Variants in DMKN observed in about 807,000 individuals in gnomAD.
DMKN encodes the protein dermokine.
DMKN carries 58 observed loss-of-function variants against 67.6 expected under a neutral mutation model. The observed-to-expected ratio is 0.86, with a 90% CI of 0.69 to 1.07. The LOEUF is 1.07. DMKN is among the 50% of genes least tolerant of loss of function. The probability of loss-of-function intolerance (pLI) is 0.00; values close to 1 mark genes in which losing one functional copy is unlikely to be tolerated. For missense variants in DMKN, 596 were observed against 601.5 expected (o/e 0.99, Z 0.10); for synonymous variants, 240 against 232.3 (o/e 1.03, Z -0.30).
intron 7 of DMKN, chr19:35,508,366 C>T: frequency 9.5e-7 from 1 of 1,053,082 alleles, no homozygotes; most frequent in Non-Finnish European, 1.4e-6. Flanking sequence ...GGAACTGGTC[C>T]AAACACTGAC....
rs1377686877 is a variant in DMKN, at chr19:35,513,251, G to T, written c.225C>A (p.Thr75=). 4 of 1,614,208 alleles carry T rather than the reference G, an allele frequency of 2.5e-6. No individual in the cohort carries two copies. The highest frequency in any genetic ancestry group is 1.7e-5 in the Admixed American group (1 of 60,034). The stretch of plus-strand genomic sequence containing the variant: ...TGACTCCAGTGCCAACTGCTTCTCT[G>T]GTCCCTTGGCCAAGGGCCTCACTGA... The part of the protein sequence containing the change: ...SKVSEALGQG[T]REAVGTGVRQ... The change falls in exon 1 of 16, where the codon ACC becomes ACA. Residue 75 remains threonine, a synonymous_variant. Transcript: ENST00000339686.
At chr19:35,500,116 C>T (rs2068102524) in intron 12 of DMKN, 87 bp from the exon 13 acceptor site, 2 of 1,475,122 alleles carry the variant, frequency 1.4e-6, no homozygotes, top group African/African-American at 1.4e-5. Flanking sequence ...CTGCCTGGAC[C>T]AGACCTTTCC....
At chr19:35,506,644 T>C (rs972620072) in intron 7 of DMKN, 3 of 449,234 alleles carry the variant, frequency 6.7e-6, no homozygotes, top group African/African-American at 6.0e-5. Flanking sequence ...AAGCTCAGGC[T>C]CGGAGAGGTT....
chr19:35,500,246 T>G, intron 12 of DMKN: 1 of 1,349,822 alleles, frequency 7.4e-7, no homozygotes, highest in Non-Finnish European at 1.0e-6. Context: ...GGCCGCCGCC[T>G]CCTCCTCCTA....
At position 35,503,837 on chromosome 19, in the gene DMKN, A is replaced by C. The variant is rs192605583; in HGVS notation, c.1135-951T>G. The stretch of plus-strand genomic sequence containing the variant: ...ATTCCAGGGCATTGTGAGCCAGCAC[A>C]AGGGTATAAGAGACCCCTGCTCCAG... On this transcript the variant is annotated intron_variant, in intron 9 of 15. Transcript: ENST00000339686. Among the ~76,000 whole-genome samples the C allele has an allele frequency of 1.1e-4, 16 of 152,272 alleles. No homozygotes were observed. The East Asian group carries it at 2.3e-3, about 22-fold the overall frequency.
Position 35,513,043 on chromosome 19 carries a change from C to T in DMKN, c.426+7G>A. On this transcript the variant is annotated splice_region_variant and intron_variant, in intron 1 of 15. Transcript: ENST00000339686. Reference sequence around the variant, plus strand: ...CCATTTCCACATGCAGCCCCACAGCCACTCACCCAAGCACCATTGTGGCCA... The same window carrying T: ...CCATTTCCACATGCAGCCCCACAGCTACTCACCCAAGCACCATTGTGGCCA... 6.2e-7 allele frequency: 1 copy of T among 1,612,630 alleles called. No individual in the cohort carries two copies. The highest frequency in any genetic ancestry group is 1.7e-4 in the Middle Eastern group (1 of 6,060).
intron 11 of DMKN, chr19:35,501,743 T>C: frequency 7.1e-7 from 1 of 1,409,180 alleles, no homozygotes; most frequent in Admixed American, 2.5e-5. Flanking sequence ...CCACCTCAGC[T>C]GTCCTCCCCA....
intron 15 of DMKN, 79 bp downstream of exon 15, chr19:35,498,637 C>T: frequency 6.3e-7 from 1 of 1,590,204 alleles, no homozygotes; most frequent in Non-Finnish European, 8.6e-7. Flanking sequence ...TGAGGATATA[C>T]CAAGATCCTG....
intron 7 of DMKN, chr19:35,507,850 G>A: frequency 4.6e-6 from 2 of 439,202 alleles, no homozygotes; most frequent in South Asian, 3.3e-5. Flanking sequence ...CCCTGGCTTT[G>A]GAGCTGGAGT....
intron 7 of DMKN, chr19:35,506,710 T>C (rs2069607645): frequency 5.9e-6 from 2 of 339,384 alleles, no homozygotes; most frequent in Middle Eastern, 4.6e-4. Context: ...GTGATTTTAA[T>C]ATATATCTTA....
chr19:35,501,977 C>T (rs765485062), intron 11 of DMKN, 159 bp downstream of exon 11: 45 of 1,543,888 alleles, frequency 2.9e-5, no homozygotes, highest in Non-Finnish European at 3.6e-5. Context: ...TCCTCAGTGA[C>T]TCACGGCTTC....
intron 7 of DMKN, chr19:35,508,129 A>G (rs1319948395): frequency 2.6e-6 from 4 of 1,535,624 alleles, no homozygotes; most frequent in Admixed American, 4.0e-5. Flanking sequence ...GTCTGCCAGT[A>G]TTGCTCCTGG....
Position 35,505,743 on chromosome 19 carries a change from A to G in DMKN, c.1109T>C (p.Phe370Ser). 6.2e-7 allele frequency: 1 copy of G among 1,614,210 alleles called. No homozygotes were observed. The change falls in exon 9 of 16, where the codon TTC (phenylalanine) becomes TCC (serine). Residue 370 changes from phenylalanine (F) to serine (S), a missense_variant. Transcript: ENST00000339686. Reference sequence around the variant, plus strand: ...CTTGTTTATGGCATCCCAGTTGATGAAACCCAGCTTGGATTTAAAATTCTA... The same window carrying G: ...CTTGTTTATGGCATCCCAGTTGATGGAACCCAGCTTGGATTTAAAATTCTA... The part of the protein sequence containing the change: ...FWKNFKSKLG[F>S]INWDAINKNQ...
At chr19:35,513,019 C>A in intron 1 of DMKN, 31 bp downstream of exon 1, 1 of 1,608,958 alleles carries the variant, frequency 6.2e-7, no homozygotes, top group Non-Finnish European at 8.5e-7. Context: ...CACAGCCTCC[C>A]ATTTCCACAT....
Position 35,513,582 on chromosome 19 carries a change from A to T in DMKN, c.-107T>A, listed in dbSNP as rs1039019372. The T allele has an allele frequency of 7.3e-7, 1 of 1,365,710 alleles. No individual in the cohort carries two copies. Among genetic ancestry groups the T allele is most frequent in the Non-Finnish European group, 9.7e-7 (1 of 1,035,372 alleles). 84.6% of individuals were successfully genotyped at this position (1,365,710 alleles called of 1,614,324 possible). A position where few individuals can be genotyped will look rare whatever the true frequency, so the allele number is the denominator to read the frequency against. ...GCCCTCCTCTGTCCTCCTCCTTCCG[A>T]CTCCCTGTCCTCCCTCCCTCTGGGT... On this transcript the variant is annotated 5_prime_UTR_variant, in exon 1 of 16. Transcript: ENST00000339686.
At chr19:35,503,469 T>G in intron 9 of DMKN, 3 of 1,491,364 alleles carry the variant, frequency 2.0e-6, no homozygotes, top group Non-Finnish European at 2.7e-6. Context: ...AACAGGTTTT[T>G]TTTTGTTTTT....
chr19:35,507,172 C>T, intron 7 of DMKN: 1 of 303,832 alleles, frequency 3.3e-6, no homozygotes. Context: ...AACACTGCCT[C>T]CCTAAGTATG....
chr19:35,510,079 C>G (rs2070439917), intron 6 of DMKN, 105 bp downstream of exon 6: 1 of 1,570,670 alleles, frequency 6.4e-7, no homozygotes, highest in South Asian at 1.1e-5. Flanking sequence ...CCGCGGCCAT[C>G]CAGCCCCATC....
chr19:35,512,785 A>T lies in DMKN; in HGVS notation c.432T>A (p.Thr144=), dbSNP rs764686653. The T allele has an allele frequency of 1.2e-4, 196 of 1,612,984 alleles. 2 individuals carry two copies. The Middle Eastern group carries it at 0.012, about 100-fold the overall frequency. ...AGCCAAAGATGCCATGGCCTCCAGA[A>T]GTTTCCTGCAAGAACAACATACCTG... ...GVPGHNGAWE[T]SGGHGIFGSQ... Residue 144 remains threonine, a synonymous_variant, in exon 2 of 16, where the codon ACT becomes ACA. Coordinates refer to ENST00000339686, the MANE Select transcript of DMKN (RefSeq NM_033317.5).
Sources: gnomAD v4.1 joint callset for allele counts (sites outside exome capture counted in the v4.1 genomes callset) on GRCh38, gnomAD v4.1.1 for gene constraint, MANE v1.5 for transcripts, NCBI Gene and HGNC (gene_info 2026-07-23, HGNC 2026-07-21) for gene names.